ROBO2: variants seen among roughly 807,000 people sequenced by gnomAD.
ROBO2 encodes roundabout homolog 2.
In ROBO2, 53 loss-of-function variants were observed where a neutral mutation model predicts 160.8. That is an observed-to-expected ratio of 0.33 (90% CI 0.26 to 0.41). The LOEUF (loss-of-function observed/expected upper bound fraction) is 0.41, where lower values mean the gene tolerates loss of function less well. Among genes scored for constraint, ROBO2 ranks in the 10% least tolerant of loss-of-function variants. ROBO2 has a pLI of 1.00. For synonymous variants in ROBO2, 664 were observed against 611.7 expected (o/e 1.09, Z -1.26); for missense variants, 1,577 against 1,722.4 (o/e 0.92, Z 1.49).
intron 2 of ROBO2, among the ~76,000 whole-genome samples, chr3:76,842,599 G>A (rs1297668347): frequency 1.3e-5 from 2 of 152,148 alleles, no homozygotes; most frequent in African/African-American, 4.8e-5. Flanking sequence ...AATGAGATTA[G>A]TTATTGCTTT....
At chr3:76,435,401 C>T (rs1222599064) in intron 2 of ROBO2, 9 of 778,754 alleles carry the variant, frequency 1.2e-5, no homozygotes, top group Non-Finnish European at 2.2e-5. Flanking sequence ...AGAAGTTGGT[C>T]ACCACAGTGA....
chr3:75,993,580 C>A (rs147308255), intron 2 of ROBO2, among the ~76,000 whole-genome samples: 2 of 152,262 alleles, frequency 1.3e-5, no homozygotes, highest in African/African-American at 4.8e-5. Flanking sequence ...AGTCCCTTAA[C>A]TATCTAAGTC....
intron 1 of ROBO2, among the ~76,000 whole-genome samples, chr3:77,068,436 A>G (rs1470464717): frequency 2.0e-5 from 3 of 152,060 alleles, no homozygotes; most frequent in Non-Finnish European, 4.4e-5. Flanking sequence ...CCACCCTATT[A>G]AGAATATAAT....
chr3:77,464,683 G>GA (rs1553968309), intron 2 of ROBO2, among the ~76,000 whole-genome samples: 1 of 57,646 alleles, frequency 1.7e-5, no homozygotes, highest in African/African-American at 1.3e-4. Flanking sequence ...TAATGTTGAA[G>GA]ATTTTTTTTT....
intron 2 of ROBO2, among the ~76,000 whole-genome samples, chr3:77,141,712 G>A (rs2076721571): frequency 6.6e-6 from 1 of 152,184 alleles, no homozygotes; most frequent in Admixed American, 6.5e-5. Flanking sequence ...AAGCAGTCCA[G>A]AAAGTGACAG....
intron 2 of ROBO2, among the ~76,000 whole-genome samples, chr3:76,533,050 A>T (rs1314316351): frequency 3.3e-5 from 5 of 152,238 alleles, no homozygotes; most frequent in Non-Finnish European, 7.3e-5. Flanking sequence ...AGAAATATTC[A>T]AAATCTCCTA....
chr3:76,049,461 C>G (rs2067581467), intron 2 of ROBO2, among the ~76,000 whole-genome samples: 1 of 133,958 alleles, frequency 7.5e-6, no homozygotes, highest in Admixed American at 8.2e-5. Flanking sequence ...CTAGGCTGAC[C>G]TCAAACTCCT....
intron 2 of ROBO2, among the ~76,000 whole-genome samples, chr3:77,270,900 G>T (rs112753409): frequency 0.024 from 3,699 of 151,154 alleles, 48 homozygotes; most frequent in Middle Eastern, 0.041. Context: ...CCAAGTCTGT[G>T]CCATTGTGCT....
intron 2 of ROBO2, among the ~76,000 whole-genome samples, chr3:77,305,875 T>C (rs2063055449): frequency 6.6e-6 from 1 of 152,202 alleles, no homozygotes; most frequent in African/African-American, 2.4e-5. Context: ...AACCTGAATA[T>C]CTACATAAGG....
At chr3:77,177,549 G>A (rs9821462) in intron 2 of ROBO2, among the ~76,000 whole-genome samples, 73,300 of 151,664 alleles carry the variant, frequency 0.48, 17,948 homozygotes, top group Middle Eastern at 0.64. Flanking sequence ...CTATGTAACT[G>A]GTTGTTATAC....
intron 2 of ROBO2, among the ~76,000 whole-genome samples, chr3:76,075,063 C>T (rs960378875): frequency 1.2e-4 from 18 of 152,014 alleles, no homozygotes; most frequent in African/African-American, 3.1e-4. Context: ...TTGTGAGATA[C>T]GAGCTTGATC....
chr3:76,259,340 A>T (rs1706596081), intron 2 of ROBO2, among the ~76,000 whole-genome samples: 1 of 152,112 alleles, frequency 6.6e-6, no homozygotes, highest in Non-Finnish European at 1.5e-5. Context: ...TTCCTTATTT[A>T]TGAAGTGTAA....
intron 2 of ROBO2, among the ~76,000 whole-genome samples, chr3:77,448,434 T>G (rs1373776190): frequency 6.6e-6 from 1 of 152,076 alleles, no homozygotes; most frequent in Non-Finnish European, 1.5e-5. Context: ...CCAGGTAAGA[T>G]CAAGAGAAGA....
intron 2 of ROBO2, among the ~76,000 whole-genome samples, chr3:77,024,109 T>A (rs2062804436): frequency 6.6e-6 from 1 of 152,162 alleles, no homozygotes. Context: ...AACAGACACA[T>A]CAACATAGAT....
Position 75,997,871 on chromosome 3 carries a change from G to T in ROBO2, c.109+60269G>T, listed in dbSNP as rs141625730. ...AATTGGTATTCACTTCCATAACTGT[G>T]GAGTCTACCCAGTAACCAATATCTG... is the stretch of plus-strand genomic sequence containing the variant. On this transcript the variant is annotated intron_variant, in intron 2 of 26. Coordinates refer to the ROBO2 transcript ENST00000487694. Among the ~76,000 whole-genome samples, 760 of 152,152 alleles carry T rather than the reference G, an allele frequency of 5.0e-3. 5 individuals are homozygous for T. Among genetic ancestry groups the T allele is most frequent in the Non-Finnish European group, 8.3e-3 (562 of 67,996 alleles).
chr3:76,152,870 A>G (rs538546749), intron 2 of ROBO2, among the ~76,000 whole-genome samples: 11 of 152,288 alleles, frequency 7.2e-5, no homozygotes, highest in African/African-American at 2.6e-4. Context: ...ATTTGGAAAA[A>G]ATTGAGACTC....
At chr3:77,199,891 G>A (rs1024881936) in intron 2 of ROBO2, among the ~76,000 whole-genome samples, 2 of 151,556 alleles carry the variant, frequency 1.3e-5, no homozygotes, top group African/African-American at 2.4e-5. Context: ...GCCTCCCAAA[G>A]TGTTGGGATT....
chr3:76,918,782 C>A (rs367968733), intron 2 of ROBO2, among the ~76,000 whole-genome samples: 8 of 152,130 alleles, frequency 5.3e-5, no homozygotes, highest in African/African-American at 1.9e-4. Context: ...ACGTTCCCAC[C>A]AATAGTGTAA....
intron 11 of ROBO2, chr3:77,564,708 C>T: frequency 1.7e-6 from 1 of 577,542 alleles, no homozygotes; most frequent in Admixed American, 2.6e-5. Context: ...TAGCAAAGGG[C>T]TGTCACATCT....
Sources: allele counts gnomAD v4.1 joint callset (sites outside exome capture counted in the v4.1 genomes callset), GRCh38; gene constraint gnomAD v4.1.1; transcripts MANE v1.5; gene names NCBI Gene and HGNC (gene_info 2026-07-23, HGNC 2026-07-21).